Variants in FSD1L observed in about 807,000 individuals in gnomAD.
FSD1L encodes FSD1-like protein.
In FSD1L, 45 loss-of-function variants were observed where a neutral mutation model predicts 71.6. The ratio of observed to expected loss-of-function variants is 0.63; its 90% CI spans 0.49 to 0.81. FSD1L has a LOEUF of 0.81. FSD1L is among the 30% of genes least tolerant of loss of function. FSD1L has a pLI of 0.00. For missense variants in FSD1L, 561 were observed against 618.1 expected, an observed-to-expected ratio of 0.91 and a Z score of 0.98; for synonymous variants, 197 against 207.2, an observed-to-expected ratio of 0.95 and a Z score of 0.42.
At chr9:105,509,914 CTTGAACTGTTT>C (rs1345287300) in intron 9 of FSD1L, among the ~76,000 whole-genome samples, 2 of 152,172 alleles carry the variant, frequency 1.3e-5, no homozygotes, top group African/African-American at 4.8e-5. Flanking sequence ...TTCTATATAA[CTTGAACTGTTT>C]TTAGCCCATC....
intron 7 of FSD1L, among the ~76,000 whole-genome samples, chr9:105,489,007 T>A (rs915100364): frequency 1.3e-5 from 2 of 152,132 alleles, no homozygotes; most frequent in Non-Finnish European, 2.9e-5. Flanking sequence ...ATTCCACATG[T>A]ACAATTTTTT....
intron 4 of FSD1L, among the ~76,000 whole-genome samples, chr9:105,471,320 A>G (rs551816500): frequency 1.4e-4 from 21 of 152,110 alleles, no homozygotes; most frequent in African/African-American, 5.1e-4. Context: ...TGCCTCATTG[A>G]TATCTGTTGT....
intron 1 of FSD1L, among the ~76,000 whole-genome samples, chr9:105,452,132 A>G (rs949072940): frequency 2.5e-5 from 3 of 120,668 alleles, no homozygotes; most frequent in Admixed American, 8.0e-5. Context: ...TGCAACAAGT[A>G]GCAGATCTAC....
chr9:105,494,826 A>C (rs1222640201), intron 7 of FSD1L, among the ~76,000 whole-genome samples: 1 of 152,058 alleles, frequency 6.6e-6, no homozygotes, highest in African/African-American at 2.4e-5. Context: ...ATTTTCGTGA[A>C]CCGCAAATGC....
At chr9:105,450,439 G>A (rs962477465) in intron 1 of FSD1L, among the ~76,000 whole-genome samples, 1 of 152,118 alleles carries the variant, frequency 6.6e-6, no homozygotes, top group African/African-American at 2.4e-5. Context: ...AGCTGTATGA[G>A]CTGGGATAGT....
At position 105,525,240 on chromosome 9, in the gene FSD1L, T is replaced by A. The variant is rs186256218; in HGVS notation, c.1026-9253T>A. ...GATGGACTTTCCAGTTTAAAAGATT[T>A]AGAGAAACTGTACCAACTTGGGATA... On this transcript the variant is annotated intron_variant, in intron 10 of 13. Coordinates refer to ENST00000481272, the MANE Select transcript of FSD1L (RefSeq NM_001145313.3). 8 of 1,603,498 alleles carry A rather than the reference T, an allele frequency of 5.0e-6. No homozygotes were observed. The African/African-American group carries it at 1.1e-4, about 22-fold the overall frequency.
At chr9:105,544,086 C>T (rs1462847325) in intron 13 of FSD1L, among the ~76,000 whole-genome samples, 4 of 152,202 alleles carry the variant, frequency 2.6e-5, no homozygotes, top group Non-Finnish European at 5.9e-5. Context: ...ACATCCTCTC[C>T]AGCACCTGTT....
At position 105,551,918 on chromosome 9, in the gene FSD1L, G is replaced by A. The variant is rs1420821631; in HGVS notation, c.*5435G>A. 1 of 152,086 alleles carries A rather than the reference G, an allele frequency of 6.6e-6. No individual in the cohort carries two copies. The highest frequency in any genetic ancestry group is 1.5e-5 in the Non-Finnish European group (1 of 68,000). 9.4% of individuals were successfully genotyped at this position (152,086 alleles called of 1,614,324 possible). ...AAATGGCTGGGCAGCTTGTTGTCACGGATAAATGATATAAAATGTAACCAC... is the reference window on the plus strand; with the variant it reads ...AAATGGCTGGGCAGCTTGTTGTCACAGATAAATGATATAAAATGTAACCAC... On this transcript the variant is annotated 3_prime_UTR_variant, in exon 14 of 14. Transcript: ENST00000481272.
chr9:105,512,864 C>T lies in FSD1L; in HGVS notation c.953C>T (p.Thr318Ile), dbSNP rs1589048928. 1 of 1,541,580 alleles carries T rather than the reference C, an allele frequency of 6.5e-7. No individual in the cohort carries two copies. The highest frequency in any genetic ancestry group is 8.8e-7 in the Non-Finnish European group (1 of 1,141,336). ...CATTTGAACCTGAAAGTTGAAGATACATGTGTAGAGTGGGATCCTACTGGA... is the reference window on the plus strand; with the variant it reads ...CATTTGAACCTGAAAGTTGAAGATATATGTGTAGAGTGGGATCCTACTGGA... ...SSHLNLKVEDTCVEWDPTGGK... is the reference protein window; with the variant it reads ...SSHLNLKVEDICVEWDPTGGK... The change falls in exon 10 of 14, where the codon ACA becomes ATA. Residue 318 changes from threonine to isoleucine, a missense_variant. Thr to Ile is a moderately conservative substitution (Grantham distance 89, BLOSUM62 -1). Around this residue, in one of 3 missense-constraint regions of FSD1L, gnomAD observed 410 missense variants for 413.5 expected, o/e 0.99. Coordinates refer to ENST00000481272, the MANE Select transcript of FSD1L (RefSeq NM_001145313.3).
At chr9:105,518,132 C>A (rs1284623186) in intron 10 of FSD1L, among the ~76,000 whole-genome samples, 2 of 152,208 alleles carry the variant, frequency 1.3e-5, no homozygotes, top group Middle Eastern at 3.4e-3. Context: ...ATATATGCAC[C>A]CAACACAGGA....
At chr9:105,519,999 C>A in intron 10 of FSD1L, 1 of 1,412,644 alleles carries the variant, frequency 7.1e-7, no homozygotes, top group Non-Finnish European at 9.3e-7. Flanking sequence ...GTCGGCTCTG[C>A]CCTGGCCCGC....
At chr9:105,480,821 A>G (rs1474095889) in intron 6 of FSD1L, among the ~76,000 whole-genome samples, 1 of 152,242 alleles carries the variant, frequency 6.6e-6, no homozygotes, top group South Asian at 2.1e-4. Flanking sequence ...GGTATATTAT[A>G]CTTACTGTTT....
At chr9:105,466,537 A>T (rs1831085937) in intron 3 of FSD1L, among the ~76,000 whole-genome samples, 1 of 152,122 alleles carries the variant, frequency 6.6e-6, no homozygotes, top group African/African-American at 2.4e-5. Flanking sequence ...TACTAAAAAT[A>T]CAAGAATTAG....
intron 10 of FSD1L, chr9:105,520,653 C>A: frequency 6.2e-7 from 1 of 1,612,328 alleles, no homozygotes; most frequent in Admixed American, 1.7e-5. Flanking sequence ...TCTTTTCTTA[C>A]TATGGTTGCA....
chr9:105,522,349 A>G (rs1835224216), intron 10 of FSD1L: 1 of 1,614,084 alleles, frequency 6.2e-7, no homozygotes, highest in South Asian at 1.1e-5. Context: ...AAAAAGCACA[A>G]AGGGAAAGGA....
rs980888883 is a variant in FSD1L, at chr9:105,523,847, A to G, written c.1026-10646A>G. On this transcript the variant is annotated intron_variant, in intron 10 of 13. Transcript: ENST00000481272. Reference sequence around the variant, plus strand: ...CAATCATCAAACACTGCTCACCTCAATTTTTTTCACTTGGTTTGCCTGGTG... The same window carrying G: ...CAATCATCAAACACTGCTCACCTCAGTTTTTTTCACTTGGTTTGCCTGGTG... The G allele has an allele frequency of 5.6e-6, 9 of 1,597,112 alleles. No individual in the cohort carries two copies. The African/African-American group carries it at 9.4e-5, about 17-fold the overall frequency.
At chr9:105,442,773 G>C in the FSD1L span, among the ~76,000 whole-genome samples, 1 of 152,080 alleles carries the variant, frequency 6.6e-6, no homozygotes. Context: ...CAAATGTCCA[G>C]CCCCTGCTTA....
intron 7 of FSD1L, among the ~76,000 whole-genome samples, chr9:105,498,640 G>A (rs980443764): frequency 6.6e-6 from 1 of 152,172 alleles, no homozygotes; most frequent in Non-Finnish European, 1.5e-5. Context: ...ATGACCATAT[G>A]TGCATTCAGT....
At position 105,551,418 on chromosome 9, in the gene FSD1L, T is replaced by G. The variant is rs957115372; in HGVS notation, c.*4935T>G. 1 of 151,806 alleles carries G rather than the reference T, an allele frequency of 6.6e-6. No homozygotes were observed. Among genetic ancestry groups the G allele is most frequent in the Non-Finnish European group, 1.5e-5 (1 of 67,944 alleles). The allele number at this position is 151,806 out of a possible 1,614,324, so 9.4% of individuals were successfully genotyped here. On this transcript the variant is annotated 3_prime_UTR_variant, in exon 14 of 14. Coordinates refer to ENST00000481272, the MANE Select transcript of FSD1L (RefSeq NM_001145313.3). ...TCTATTGCCTTCTTTATAAAATAAG[T>G]GTAAGTTGTTCAGCCTGCCTCACAG...
Sources: gnomAD v4.1 joint callset for allele counts (sites outside exome capture counted in the v4.1 genomes callset) on GRCh38, gnomAD v4.1.1 for gene constraint, gnomAD v4.1.1 regional missense constraint, MANE v1.5 for transcripts, NCBI Gene and HGNC (gene_info 2026-07-23, HGNC 2026-07-21) for gene names.